The following EXD3 variants were observed in gnomAD, a reference collection of about 807,000 sequenced individuals.
EXD3 encodes exonuclease 3'-5' domain containing 3.
In EXD3, 92 loss-of-function variants were observed where a neutral mutation model predicts 98.0. The ratio of observed to expected loss-of-function variants is 0.94; its 90% CI spans 0.79 to 1.12. EXD3 has a LOEUF of 1.12. EXD3 is among the 50% of genes most tolerant of loss of function. The probability of loss-of-function intolerance (pLI) is 0.00; values close to 1 mark genes in which losing one functional copy is unlikely to be tolerated. For synonymous variants in EXD3, 569 were observed against 526.0 expected (o/e 1.08, Z -1.12); for missense variants, 1,222 against 1,191.6 (o/e 1.03, Z -0.38).
chr9:137,364,545 C>T (rs1377565052), intron 7 of EXD3, among the ~76,000 whole-genome samples: 1 of 151,702 alleles, frequency 6.6e-6, no homozygotes, highest in Non-Finnish European at 1.5e-5. Context: ...TCACTTGAAC[C>T]CGGGAGGTGA....
At chr9:137,377,629 GA>G (rs1835981241) in intron 3 of EXD3, among the ~76,000 whole-genome samples, 1 of 143,364 alleles carries the variant, frequency 7.0e-6, no homozygotes, top group Non-Finnish European at 1.5e-5. Context: ...GCTGAGGCAG[GA>G]GAATCGCTTG....
At chr9:137,384,437 T>G (rs907011843) in intron 2 of EXD3, among the ~76,000 whole-genome samples, 1 of 152,078 alleles carries the variant, frequency 6.6e-6, no homozygotes, top group African/African-American at 2.4e-5. Flanking sequence ...AGCTCACAAT[T>G]TAAGAAATAA....
chr9:137,393,346 C>T lies in EXD3; in HGVS notation c.55+1957G>A. Reference sequence around the variant, plus strand: ...AACAGGGCCTCATCCCACACAGGTGCAGGCCCGGGGCCCGCAGATGGCCTC... The same window carrying T: ...AACAGGGCCTCATCCCACACAGGTGTAGGCCCGGGGCCCGCAGATGGCCTC... On this transcript the variant is annotated intron_variant, in intron 2 of 21. Coordinates refer to ENST00000340951, the MANE Select transcript of EXD3 (RefSeq NM_017820.5). The surrounding 1 kb of genome is among the most constrained non-coding windows in gnomAD (Gnocchi z 4.6). The T allele has an allele frequency of 1.5e-6, 1 of 676,156 alleles. No homozygotes were observed. 41.9% of individuals were successfully genotyped at this position (676,156 alleles called of 1,614,324 possible). A position where few individuals can be genotyped will look rare whatever the true frequency, so the allele number is the denominator to read the frequency against.
intron 10 of EXD3, chr9:137,353,588 C>T: frequency 1.0e-6 from 1 of 985,866 alleles, no homozygotes; most frequent in South Asian, 4.7e-5. Flanking sequence ...AGGGTGAGCT[C>T]TCTCCCACCC....
In EXD3 at chr9:137,307,180, T is replaced by C. The variant is rs1831087667; in HGVS notation, c.2401A>G (p.Thr801Ala). 1 of 1,585,638 alleles carries C rather than the reference T, an allele frequency of 6.3e-7. No individual in the cohort carries two copies. The highest frequency in any genetic ancestry group is 1.3e-5 in the African/African-American group (1 of 74,252). ...GTGCCGTCGGCCAGCATGTCCGGTGTCTCCGCCCGCAGGTCAGCCATCTGC... is the reference window on the plus strand; with the variant it reads ...GTGCCGTCGGCCAGCATGTCCGGTGCCTCCGCCCGCAGGTCAGCCATCTGC... ...WLQMADLRAE[T>A]PDMLADGTRL... is the part of the protein sequence containing the mutation. The change falls in exon 22 of 22, where the codon ACA (threonine) becomes GCA (alanine). Residue 801 changes from threonine (T) to alanine (A), a missense_variant. Coordinates refer to ENST00000340951, the MANE Select transcript of EXD3 (RefSeq NM_017820.5).
chr9:137,401,054 T>G (rs551767612), intron 1 of EXD3, among the ~76,000 whole-genome samples: 1 of 152,176 alleles, frequency 6.6e-6, no homozygotes, highest in African/African-American at 2.4e-5. Context: ...TGTCGGTGGA[T>G]CTACCATTCT....
At chr9:137,404,203 G>C (rs1164168430) in intron 1 of EXD3, among the ~76,000 whole-genome samples, 1 of 152,174 alleles carries the variant, frequency 6.6e-6, no homozygotes, top group Non-Finnish European at 1.5e-5. Flanking sequence ...CAAATACAGT[G>C]ACATGGCGCC....
intron 20 of EXD3, 46 bp from the exon 21 acceptor site, chr9:137,307,692 G>A: frequency 6.2e-7 from 1 of 1,600,586 alleles, no homozygotes; most frequent in Non-Finnish European, 8.5e-7. Flanking sequence ...CCTAGGGATG[G>A]GGCTTGGCAG....
rs1376127598 is a variant in EXD3 at position 137,349,556 on chromosome 9, T to TA, written c.1495-26dup. The stretch of plus-strand genomic sequence containing the variant: ...TCTGCTAAGACAGTGCCCTGCAGGG[T>TA]AACGCGTCTGGCCCTGGCGGCAGCA... On this transcript the variant is annotated intron_variant, in intron 14 of 21. Transcript: ENST00000340951. This position sits in a 1 kb window ranked among gnomAD's most constrained non-coding sequence, Gnocchi z 7.4. The TA allele has an allele frequency of 3.2e-6, 5 of 1,540,214 alleles. No individual in the cohort carries two copies. The highest frequency in any genetic ancestry group is 3.8e-5 in the Admixed American group (2 of 52,384).
intron 5 of EXD3, among the ~76,000 whole-genome samples, chr9:137,368,755 G>A (rs1835411844): frequency 6.6e-6 from 1 of 152,068 alleles, no homozygotes; most frequent in African/African-American, 2.4e-5. Context: ...CAGGGCCGGG[G>A]GCCTTTCCCT....
At chr9:137,394,127 C>G (rs1164046882) in intron 2 of EXD3, among the ~76,000 whole-genome samples, 2 of 151,598 alleles carry the variant, frequency 1.3e-5, no homozygotes, top group Non-Finnish European at 2.9e-5. Flanking sequence ...CTTCCCTAAC[C>G]CCAGCCTCCC....
intron 19 of EXD3, among the ~76,000 whole-genome samples, chr9:137,310,245 CATT>C (rs1044436304): frequency 6.6e-5 from 10 of 152,266 alleles, no homozygotes; most frequent in South Asian, 2.1e-4. Flanking sequence ...CCCATGGCTG[CATT>C]ATTATTATTA....
intron 10 of EXD3, chr9:137,353,280 T>A: frequency 1.0e-6 from 1 of 984,844 alleles, no homozygotes; most frequent in Non-Finnish European, 1.2e-6. Context: ...TCCACTGACC[T>A]TCCCGGCCTC....
At chr9:137,308,395 G>A (rs539944357) in intron 20 of EXD3, among the ~76,000 whole-genome samples, 36 of 152,062 alleles carry the variant, frequency 2.4e-4, no homozygotes, top group Non-Finnish European at 4.6e-4. Flanking sequence ...CCCCTCCCTG[G>A]CTGGCCCCAG....
At position 137,328,631 on chromosome 9, in the gene EXD3, ACTACACGGGG is replaced by A. The variant is rs1832659218; in HGVS notation, c.1999-4498_1999-4489del. Among the ~76,000 whole-genome samples the A allele has an allele frequency of 1.5e-4, 7 of 45,434 alleles. 2 individuals are homozygous for A. The highest frequency in any genetic ancestry group is 2.7e-4 in the African/African-American group (2 of 7,294). 29.8% of individuals were successfully genotyped at this position (45,434 alleles called of 152,430 possible). The stretch of plus-strand genomic sequence containing the variant: ...ACGGGGCTACACGGGACTACACGGG[ACTACACGGGG>A]CTACACGGGACTACACGGGACTACA... On this transcript the variant is annotated intron_variant, in intron 17 of 21. Coordinates refer to ENST00000340951, the MANE Select transcript of EXD3 (RefSeq NM_017820.5).
chr9:137,355,491 ATG>A (rs376065717), intron 8 of EXD3, among the ~76,000 whole-genome samples: 1 of 40,282 alleles, frequency 2.5e-5, no homozygotes, highest in Non-Finnish European at 4.8e-5. Context: ...AGGAAGGAGG[ATG>A]GAGGAAGGAG....
chr9:137,373,221 G>T, intron 4 of EXD3, 149 bp from the exon 5 acceptor site: 1 of 1,132,526 alleles, frequency 8.8e-7, no homozygotes, highest in Non-Finnish European at 1.2e-6. Context: ...GGCACGGGAG[G>T]GGCGAGGCCG....
intron 14 of EXD3, among the ~76,000 whole-genome samples, chr9:137,350,745 C>G (rs901352762): frequency 6.6e-6 from 1 of 151,744 alleles, no homozygotes; most frequent in East Asian, 1.9e-4. Context: ...GGCTCCCTCC[C>G]GCAGCTCCTC....
chr9:137,366,648 C>G lies in EXD3; in HGVS notation c.517-16G>C. On this transcript the variant is annotated splice_polypyrimidine_tract_variant and intron_variant, in intron 6 of 21. Coordinates refer to ENST00000340951, the MANE Select transcript of EXD3 (RefSeq NM_017820.5). ...GGATGCTCATCTGCAGGGGGACACA[C>G]GGTCAGGCCACAGCCTCCGCCACCT... is the stretch of plus-strand genomic sequence containing the variant. The G allele has an allele frequency of 6.4e-7, 1 of 1,553,072 alleles. No individual in the cohort carries two copies. Among genetic ancestry groups the G allele is most frequent in the Non-Finnish European group, 8.7e-7 (1 of 1,149,006 alleles).
Sources: gnomAD v4.1 joint callset for allele counts (sites outside exome capture counted in the v4.1 genomes callset) on GRCh38, gnomAD v4.1.1 for gene constraint, Gnocchi (gnomAD v3.1) non-coding constraint, MANE v1.5 for transcripts, NCBI Gene and HGNC (gene_info 2026-07-23, HGNC 2026-07-21) for gene names.